Variants in DRICH1 observed in about 807,000 individuals in gnomAD.
DRICH1 encodes aspartate rich 1.
In DRICH1, 38 loss-of-function variants were observed where a neutral mutation model predicts 39.5. That is an observed-to-expected ratio of 0.96 (90% CI 0.74 to 1.26). DRICH1 has a LOEUF of 1.26. Among genes scored for constraint, DRICH1 ranks in the 50% most tolerant of loss-of-function variants. The probability of loss-of-function intolerance (pLI) is 0.00; values close to 1 mark genes in which losing one functional copy is unlikely to be tolerated. For synonymous variants in DRICH1, 84 were observed against 99.5 expected (o/e 0.84, Z 0.93); for missense variants, 279 against 270.4 (o/e 1.03, Z -0.22).
intron 11 of DRICH1, among the ~76,000 whole-genome samples, chr22:23,609,070 G>C (rs186596522): frequency 6.6e-6 from 1 of 152,172 alleles, no homozygotes; most frequent in Non-Finnish European, 1.5e-5. Context: ...AACTGCTGTC[G>C]GGAGAGGTAT....
At chr22:23,630,467 T>G (rs1242858839) in intron 1 of DRICH1, among the ~76,000 whole-genome samples, 2 of 152,182 alleles carry the variant, frequency 1.3e-5, no homozygotes, top group Non-Finnish European at 1.5e-5. Flanking sequence ...GTACACTGTG[T>G]TGAGTGAAAA....
chr22:23,597,280 C>G, the DRICH1 span, among the ~76,000 whole-genome samples: 1 of 149,154 alleles, frequency 6.7e-6, no homozygotes, highest in East Asian at 2.0e-4. Context: ...GTGTGTGAAC[C>G]CAGAAGTTTG....
rs757043731 is a variant in DRICH1, at chr22:23,613,648, T to A, written c.634A>T (p.Ile212Leu). The change falls in exon 10 of 12, where the codon ATA becomes TTA. Residue 212 changes from isoleucine (I) to leucine (L), a missense_variant. Ile to Leu is a conservative substitution (Grantham distance 5, BLOSUM62 2). Transcript: ENST00000317749. ...DDDDIHITARIESDLTLESLS... is the reference protein window; with the variant it reads ...DDDDIHITARLESDLTLESLS... Reference sequence around the variant, plus strand: ...ATCTCATGGTACATACCACTTTCTATCCGAGCTGTTATCTGCAATTATATA... The same window carrying A: ...ATCTCATGGTACATACCACTTTCTAACCGAGCTGTTATCTGCAATTATATA... The A allele has an allele frequency of 1.2e-6, 2 of 1,605,380 alleles. No individual in the cohort carries two copies. Among genetic ancestry groups the A allele is most frequent in the South Asian group, 1.1e-5 (1 of 90,766 alleles).
intron 4 of DRICH1, among the ~76,000 whole-genome samples, chr22:23,621,261 T>C (rs1026782110): frequency 6.6e-6 from 1 of 151,906 alleles, no homozygotes; most frequent in Non-Finnish European, 1.5e-5. Flanking sequence ...AGAAGTTTAG[T>C]CTAAGTTGAA....
intron 11 of DRICH1, among the ~76,000 whole-genome samples, chr22:23,610,873 C>T (rs563905398): frequency 1.3e-5 from 2 of 150,610 alleles, no homozygotes; most frequent in East Asian, 2.0e-4. Flanking sequence ...AATTTTTAAC[C>T]TATTATTAGA....
chr22:23,604,890 T>G (rs373763886), downstream of DRICH1, among the ~76,000 whole-genome samples: 97 of 152,298 alleles, frequency 6.4e-4, no homozygotes, highest in African/African-American at 2.3e-3. Context: ...CCTCTCAGAG[T>G]TGACATTTGG....
chr22:23,624,292 C>T (rs1466871719), intron 3 of DRICH1: 1 of 985,060 alleles, frequency 1.0e-6, no homozygotes, highest in Non-Finnish European at 1.2e-6. Context: ...GTGGCACAGG[C>T]AGAAAAGAGC....
intron 8 of DRICH1, among the ~76,000 whole-genome samples, chr22:23,615,238 T>C (rs1012403642): frequency 2.0e-5 from 3 of 152,078 alleles, no homozygotes; most frequent in Admixed American, 1.3e-4. Flanking sequence ...TAGCCAGGCA[T>C]GGCGGTGAGT....
intron 1 of DRICH1, among the ~76,000 whole-genome samples, chr22:23,628,790 G>A (rs903060894): frequency 2.0e-5 from 3 of 152,152 alleles, no homozygotes; most frequent in Non-Finnish European, 4.4e-5. Context: ...CAGAGAAGTG[G>A]GGACCTGATT....
At chr22:23,582,876 A>G in the DRICH1 span, among the ~76,000 whole-genome samples, 3 of 152,290 alleles carry the variant, frequency 2.0e-5, no homozygotes, top group African/African-American at 7.2e-5. Context: ...TCATATTATT[A>G]TTATTACCAG....
chr22:23,608,719 G>A lies in DRICH1; in HGVS notation c.*45C>T. 1 of 1,550,432 alleles carries A rather than the reference G, an allele frequency of 6.4e-7. No homozygotes were observed. Among genetic ancestry groups the A allele is most frequent in the Non-Finnish European group, 8.7e-7 (1 of 1,145,314 alleles). On this transcript the variant is annotated 3_prime_UTR_variant, in exon 12 of 12. Coordinates refer to ENST00000317749, the MANE Select transcript of DRICH1 (RefSeq NM_016449.4). ...GCTGGGGACCCTGCAGCACGCGCTGGCCTGCCCTTTGGGTCAGCACCCTGG... is the reference window on the plus strand; with the variant it reads ...GCTGGGGACCCTGCAGCACGCGCTGACCTGCCCTTTGGGTCAGCACCCTGG...
rs1334027624 is a variant in DRICH1, at chr22:23,632,314, TACTG to T, written c.-295_-292del. ...AGCTCCTCCTCCCTCCACTGCGAGC[TACTG>T]ACTGAGGGCTGCTGGCCCTGGCTGA... On this transcript the variant is annotated 5_prime_UTR_variant, in exon 1 of 12. Transcript: ENST00000317749. 2 of 436,354 alleles carry T rather than the reference TACTG, an allele frequency of 4.6e-6. No individual in the cohort carries two copies. Among genetic ancestry groups the T allele is most frequent in the East Asian group, 4.6e-5 (1 of 21,720 alleles). 27.0% of individuals were successfully genotyped at this position (436,354 alleles called of 1,614,324 possible).
At chr22:23,625,408 C>CA (rs200834629) in intron 2 of DRICH1, among the ~76,000 whole-genome samples, 2,276 of 150,724 alleles carry the variant, frequency 0.015, 17 homozygotes, top group Admixed American at 0.027. Context: ...TGTAGGTCAG[C>CA]AAAAAAACAG....
At chr22:23,613,227 A>G (rs1927144538) in intron 11 of DRICH1, 62 bp downstream of exon 11, 1 of 1,280,198 alleles carries the variant, frequency 7.8e-7, no homozygotes, top group Non-Finnish European at 1.1e-6. Flanking sequence ...AGCAACAGGG[A>G]TAACCTGGAG....
chr22:23,598,791 G>A, the DRICH1 span, among the ~76,000 whole-genome samples: 286 of 152,234 alleles, frequency 1.9e-3, 5 homozygotes, highest in East Asian at 0.024. Flanking sequence ...AGAGGGCAGT[G>A]CTCCATACAG....
the DRICH1 span, among the ~76,000 whole-genome samples, chr22:23,582,555 C>CTTTTATTATTA: frequency 9.0e-5 from 13 of 143,880 alleles, no homozygotes; most frequent in East Asian, 1.4e-3. Flanking sequence ...CCTTCAGGGG[C>CTTTTATTATTA]TTATTATTAT....
intron 5 of DRICH1, 130 bp downstream of exon 5, chr22:23,620,464 T>G: frequency 2.8e-6 from 3 of 1,072,620 alleles, no homozygotes; most frequent in Non-Finnish European, 4.3e-6. Flanking sequence ...CTGCTCATAG[T>G]TATACACTTG....
chr22:23,613,439 T>A, intron 10 of DRICH1, 109 bp from the exon 11 acceptor site: 2 of 996,176 alleles, frequency 2.0e-6, no homozygotes, highest in Non-Finnish European at 1.6e-6. Context: ...CACTCCATGC[T>A]GCTTCATACA....
At chr22:23,611,388 A>C (rs373642709) in intron 11 of DRICH1, among the ~76,000 whole-genome samples, 4,645 of 145,574 alleles carry the variant, frequency 0.032, 114 homozygotes, top group Middle Eastern at 0.11. Flanking sequence ...TCTTATTTTC[A>C]TTCATTTTTT....
Sources: allele counts gnomAD v4.1 joint callset (sites outside exome capture counted in the v4.1 genomes callset), GRCh38; gene constraint gnomAD v4.1.1; transcripts MANE v1.5; gene names NCBI Gene and HGNC (gene_info 2026-07-23, HGNC 2026-07-21).